Variants in TRIOBP observed in about 807,000 individuals in gnomAD.
TRIOBP encodes TRIO and F-actin-binding protein.
A neutral mutation model predicts 238.8 loss-of-function variants in TRIOBP; 169 were observed. That is an observed-to-expected ratio of 0.71 (90% CI 0.62 to 0.80). The LOEUF (loss-of-function observed/expected upper bound fraction) is 0.80, where lower values mean the gene tolerates loss of function less well. Among genes scored for constraint, TRIOBP ranks in the 30% least tolerant of loss-of-function variants. The pLI, the probability that TRIOBP is intolerant of heterozygous loss-of-function variation, is 0.00. For synonymous variants in TRIOBP, 1,150 were observed against 1,274.4 expected, an observed-to-expected ratio of 0.90 and a Z score of 2.08; for missense variants, 2,838 against 3,122.6, an observed-to-expected ratio of 0.91 and a Z score of 2.17.
chr22:37,763,787 C>G (rs2145876477), intron 17 of TRIOBP, among the ~76,000 whole-genome samples: 1 of 152,302 alleles, frequency 6.6e-6, no homozygotes, highest in Non-Finnish European at 1.5e-5. Context: ...CCACAGCTAC[C>G]TAAATAATGC....
Position 37,710,579 on chromosome 22 carries a change from C to T in TRIOBP, c.254+13C>T. On this transcript the variant is annotated intron_variant, in intron 4 of 23. Coordinates refer to ENST00000644935, the MANE Select transcript of TRIOBP (RefSeq NM_001039141.3). ...CAGGGCCCAAGAGGTGGGTAGAGTC[C>T]CAGGGCCCAGGAAGGGCTTCATGGG... 1.2e-6 allele frequency: 2 copies of T among 1,606,414 alleles called. No individual in the cohort carries two copies. The highest frequency in any genetic ancestry group is 1.7e-6 in the Non-Finnish European group (2 of 1,178,500).
intron 21 of TRIOBP, 44 bp downstream of exon 21, chr22:37,769,419 G>A (rs1463642860): frequency 2.6e-5 from 40 of 1,525,220 alleles, no homozygotes; most frequent in Non-Finnish European, 3.5e-5. Flanking sequence ...GGTTCTCGGG[G>A]CCCGGGGCTA....
At position 37,723,408 on chromosome 22, in the gene TRIOBP, C is replaced by T; in HGVS notation, c.852C>T (p.Ile284=). Residue 284 remains isoleucine (I), a synonymous_variant, in exon 7 of 24, where the codon ATC becomes ATT. Transcript: ENST00000644935. ...EIPRASSPHR[I]TQRDTSRASS... is the part of the protein sequence containing the mutation. Reference sequence around the variant, plus strand: ...CCAGAGCCTCCTCTCCCCATCGAATCACCCAAAGGGACACCTCCAGGGCCT... The same window carrying T: ...CCAGAGCCTCCTCTCCCCATCGAATTACCCAAAGGGACACCTCCAGGGCCT... The T allele has an allele frequency of 6.2e-7, 1 of 1,613,370 alleles. No homozygotes were observed. The highest frequency in any genetic ancestry group is 8.5e-7 in the Non-Finnish European group (1 of 1,179,742).
rs773584406 is a variant in TRIOBP, at chr22:37,762,598, C to T, written c.6325-3072C>T. Reference sequence around the variant, plus strand: ...ACCAAAGTCTGTCAGTGTTTGGTCCCGTTAGGGTGGGATGGGCACGGGGAG... The same window carrying T: ...ACCAAAGTCTGTCAGTGTTTGGTCCTGTTAGGGTGGGATGGGCACGGGGAG... On this transcript the variant is annotated intron_variant, in intron 17 of 23. Transcript: ENST00000644935. Among the ~76,000 whole-genome samples the T allele has an allele frequency of 2.6e-5, 4 of 152,080 alleles. No homozygotes were observed. In the East Asian group the frequency reaches 5.8e-4, roughly 22 times the overall value.
intron 5 of TRIOBP, among the ~76,000 whole-genome samples, chr22:37,713,981 G>A (rs559582543): frequency 7.9e-5 from 12 of 152,304 alleles, no homozygotes; most frequent in African/African-American, 2.9e-4. Flanking sequence ...AGGGGGTGGT[G>A]ATAAGACTCA....
At position 37,735,754 on chromosome 22, in the gene TRIOBP, G is replaced by A. The variant is rs151260250; in HGVS notation, c.5106+312G>A. Among the ~76,000 whole-genome samples, 3 of 152,360 alleles carry A rather than the reference G, an allele frequency of 2.0e-5. No individual in the cohort carries two copies. The South Asian group carries it at 6.2e-4, about 32-fold the overall frequency. On this transcript the variant is annotated intron_variant, in intron 9 of 23. Coordinates refer to ENST00000644935, the MANE Select transcript of TRIOBP (RefSeq NM_001039141.3). ...ACAGATAAGGAAACTGATGCGCAGG[G>A]TGAAGCCACTTGCTGGTGGGGCATG...
intron 2 of TRIOBP, among the ~76,000 whole-genome samples, chr22:37,698,828 C>A (rs1922492927): frequency 6.6e-6 from 1 of 151,346 alleles, no homozygotes; most frequent in Non-Finnish European, 1.5e-5. Flanking sequence ...GGTGACAGAG[C>A]AAGACCCTGC....
At chr22:37,766,731 C>T (rs572167668) in intron 18 of TRIOBP, among the ~76,000 whole-genome samples, 25 of 152,108 alleles carry the variant, frequency 1.6e-4, no homozygotes, top group African/African-American at 5.5e-4. Flanking sequence ...GAGGCTGAGG[C>T]GGGCAGATCA....
intron 12 of TRIOBP, among the ~76,000 whole-genome samples, chr22:37,753,167 T>C (rs1925711961): frequency 6.6e-6 from 1 of 152,228 alleles, no homozygotes; most frequent in Non-Finnish European, 1.5e-5. Context: ...AGCAACCTGG[T>C]TGGTGTCCAT....
chr22:37,726,673 GT>G, intron 7 of TRIOBP, 170 bp downstream of exon 7: 1 of 702,950 alleles, frequency 1.4e-6, no homozygotes, highest in Non-Finnish European at 2.2e-6. Flanking sequence ...CATATTGGGA[GT>G]TTTCTGTTTT....
intron 10 of TRIOBP, 113 bp from the exon 11 acceptor site, chr22:37,740,782 A>G: frequency 6.8e-7 from 1 of 1,463,618 alleles, no homozygotes; most frequent in South Asian, 1.2e-5. Context: ...AAAGATGGGA[A>G]CCCTGGGGCT....
At chr22:37,726,594 C>T in intron 7 of TRIOBP, 91 bp downstream of exon 7, 2 of 1,287,080 alleles carry the variant, frequency 1.6e-6, no homozygotes, top group Non-Finnish European at 2.0e-6. Flanking sequence ...AGAAAGTGTT[C>T]AAATCCCCCT....
At chr22:37,717,597 T>A (rs147008918) in intron 6 of TRIOBP, among the ~76,000 whole-genome samples, 208 of 152,118 alleles carry the variant, frequency 1.4e-3, no homozygotes, top group Non-Finnish European at 1.3e-3. Flanking sequence ...CCCAACAGAG[T>A]AGCTAGATAC....
Position 37,765,780 on chromosome 22 carries a change from G to A in TRIOBP, c.6435G>A (p.Glu2145=), listed in dbSNP as rs754655813. The change falls in exon 18 of 24, where the codon GAG becomes GAA. Residue 2145 remains glutamate, a synonymous_variant. Coordinates refer to ENST00000644935, the MANE Select transcript of TRIOBP (RefSeq NM_001039141.3). The part of the protein sequence containing the change: ...RELQRLQQEK[E]WLLAEETAAT... ...TGCAGCGCCTGCAGCAGGAGAAGGAGTGGCTCCTGGCTGAGGAGACGGCAG... is the reference window on the plus strand; with the variant it reads ...TGCAGCGCCTGCAGCAGGAGAAGGAATGGCTCCTGGCTGAGGAGACGGCAG... 3.8e-6 allele frequency: 6 copies of A among 1,590,660 alleles called. No homozygotes were observed. The highest frequency in any genetic ancestry group is 2.3e-5 in the South Asian group (2 of 87,884).
intron 11 of TRIOBP, among the ~76,000 whole-genome samples, chr22:37,749,131 G>C (rs1925436204): frequency 6.6e-6 from 1 of 152,052 alleles, no homozygotes; most frequent in Non-Finnish European, 1.5e-5. Context: ...GAGGTGGATG[G>C]ATCACTTGAG....
At chr22:37,759,301 A>G in intron 17 of TRIOBP, 37 bp downstream of exon 17, 1 of 1,590,702 alleles carries the variant, frequency 6.3e-7, no homozygotes, top group Non-Finnish European at 8.6e-7. Flanking sequence ...GGGAGGGGGC[A>G]GATTTCTGCT....
chr22:37,770,621 C>T (rs1446164210), intron 21 of TRIOBP, among the ~76,000 whole-genome samples: 2 of 152,010 alleles, frequency 1.3e-5, no homozygotes, highest in South Asian at 2.1e-4. Context: ...AGGTGATCCG[C>T]CCACTTCGGC....
Position 37,743,095 on chromosome 22 carries a change from T to C in TRIOBP, c.5322+2063T>C, listed in dbSNP as rs116343043. ...GCAGCTCTGGGAGTCCCCACAGATT[T>C]TCCCCATTAGAAAGATGCGGCAACC... On this transcript the variant is annotated intron_variant, in intron 11 of 23. Transcript: ENST00000644935. 4.5e-3 allele frequency among the ~76,000 whole-genome samples: 678 copies of C among 152,296 alleles called. 4 individuals are homozygous for C. The highest frequency in any genetic ancestry group is 0.015 in the African/African-American group (642 of 41,560).
At position 37,705,018 on chromosome 22, in the gene TRIOBP, A is replaced by G. The variant is rs558785216; in HGVS notation, c.114+3539A>G. On this transcript the variant is annotated intron_variant, in intron 3 of 23. Transcript: ENST00000644935. ...ATCCCAGGAGTTCAAGGTTGCAGTG[A>G]GCCATGAGCATGCCAATGCACTCCA... Among the ~76,000 whole-genome samples, 54 of 152,206 alleles carry G rather than the reference A, an allele frequency of 3.5e-4. No individual in the cohort carries two copies. The Middle Eastern group carries it at 0.014, about 39-fold the overall frequency.
Sources: allele counts gnomAD v4.1 joint callset (sites outside exome capture counted in the v4.1 genomes callset), GRCh38; gene constraint gnomAD v4.1.1; transcripts MANE v1.5; gene names NCBI Gene and HGNC (gene_info 2026-07-23, HGNC 2026-07-21).